Variants in TRIM33 observed in about 807,000 individuals in gnomAD.
TRIM33 encodes tripartite motif containing 33, also known as E3 ubiquitin-protein ligase TRIM33.
In TRIM33, 20 loss-of-function variants were observed where a neutral mutation model predicts 125.4. The observed-to-expected ratio is 0.16, with a 90% CI of 0.11 to 0.23. The LOEUF is 0.23. Among genes scored for constraint, TRIM33 ranks in the 10% least tolerant of loss-of-function variants. TRIM33 has a pLI of 1.00. For missense variants in TRIM33, 920 were observed against 1,411.4 expected (o/e 0.65, Z 5.58); for synonymous variants, 564 against 513.9 (o/e 1.10, Z -1.32).
At position 114,401,724 on chromosome 1, in the gene TRIM33, C is replaced by T. The variant is rs1651905501; in HGVS notation, c.2893-261G>A. ...TTATGGAAGGGAGTCACAAAAGCAA[C>T]ATCTAACACTTTGTGCAAAAATTTA... On this transcript the variant is annotated intron_variant, in intron 16 of 19. Transcript: ENST00000358465. Among the ~76,000 whole-genome samples, 2 of 152,154 alleles carry T rather than the reference C, an allele frequency of 1.3e-5. 1 individual carries two copies. Among genetic ancestry groups the T allele is most frequent in the South Asian group, 4.1e-4 (2 of 4,834 alleles).
intron 1 of TRIM33, among the ~76,000 whole-genome samples, chr1:114,498,848 AGTTCTCTTACTAT>A (rs1652536337): frequency 6.6e-6 from 1 of 152,300 alleles, no homozygotes; most frequent in South Asian, 2.1e-4. Context: ...AAAAATGTAA[AGTTCTCTTACTAT>A]AAATGAAGAT....
At chr1:114,475,635 T>C (rs921145455) in intron 1 of TRIM33, among the ~76,000 whole-genome samples, 3 of 152,216 alleles carry the variant, frequency 2.0e-5, no homozygotes, top group Admixed American at 1.3e-4. Flanking sequence ...TGAGCCGAGA[T>C]GGCGCCACTG....
chr1:114,399,243 GATA>G (rs1651731316), intron 18 of TRIM33, among the ~76,000 whole-genome samples: 1 of 151,800 alleles, frequency 6.6e-6, no homozygotes, highest in African/African-American at 2.4e-5. Context: ...AAGGATATTT[GATA>G]ATATTCTTAA....
intron 4 of TRIM33, among the ~76,000 whole-genome samples, chr1:114,449,971 T>C (rs1649214988): frequency 6.6e-6 from 1 of 152,244 alleles, no homozygotes; most frequent in Admixed American, 6.5e-5. Flanking sequence ...TACTAACTTA[T>C]TTTGGTGAAT....
At chr1:114,408,865 A>G (rs1466665550) in intron 12 of TRIM33, 125 bp from the exon 13 acceptor site, 1 of 646,474 alleles carries the variant, frequency 1.5e-6, no homozygotes, top group African/African-American at 1.9e-5. Flanking sequence ...AGACCTAGTC[A>G]CAAAGTCAGG....
intron 5 of TRIM33, among the ~76,000 whole-genome samples, chr1:114,431,805 A>C (rs1647965776): frequency 6.6e-6 from 1 of 152,072 alleles, no homozygotes; most frequent in African/African-American, 2.4e-5. Context: ...GAAAATTTTG[A>C]GTTTTGTCCT....
At chr1:114,400,884 A>G (rs1651829532) in intron 17 of TRIM33, among the ~76,000 whole-genome samples, 1 of 152,224 alleles carries the variant, frequency 6.6e-6, no homozygotes, top group Non-Finnish European at 1.5e-5. Context: ...GACTATGCTA[A>G]ATATTTTACA....
At chr1:114,408,774 CATATAAG>C in intron 12 of TRIM33, 34 bp from the exon 13 acceptor site, 17 of 1,365,562 alleles carry the variant, frequency 1.2e-5, no homozygotes, top group Non-Finnish European at 1.7e-5. Flanking sequence ...AATATCAATG[CATATAAG>C]AATATTTGGA....
chr1:114,456,013 C>T (rs1360776197), intron 4 of TRIM33, among the ~76,000 whole-genome samples: 1 of 152,122 alleles, frequency 6.6e-6, no homozygotes, highest in Non-Finnish European at 1.5e-5. Context: ...TGTTGAAGTC[C>T]TAACAGGTGT....
In TRIM33 at chr1:114,399,620, C is replaced by A; in HGVS notation, c.2968-11G>T. The stretch of plus-strand genomic sequence containing the variant: ...ATAGTAGTTTGGTATCTAAAATAAG[C>A]ACATAATGGCAAATAAGAATTCTCC... On this transcript the variant is annotated splice_polypyrimidine_tract_variant and intron_variant, in intron 17 of 19. Coordinates refer to ENST00000358465, the MANE Select transcript of TRIM33 (RefSeq NM_015906.4). 6.4e-7 allele frequency: 1 copy of A among 1,562,756 alleles called. No individual in the cohort carries two copies. Among genetic ancestry groups the A allele is most frequent in the Non-Finnish European group, 8.7e-7 (1 of 1,150,052 alleles).
chr1:114,414,873 A>G (rs1425390792), intron 11 of TRIM33, among the ~76,000 whole-genome samples: 2 of 152,102 alleles, frequency 1.3e-5, no homozygotes, highest in African/African-American at 2.4e-5. Flanking sequence ...TTTAATAATG[A>G]GGGCTGGTGA....
intron 1 of TRIM33, among the ~76,000 whole-genome samples, chr1:114,470,162 A>T (rs1401933594): frequency 6.6e-6 from 1 of 152,198 alleles, no homozygotes; most frequent in Non-Finnish European, 1.5e-5. Context: ...TATATTCTTG[A>T]AGTTATACAG....
intron 10 of TRIM33, among the ~76,000 whole-genome samples, chr1:114,423,589 G>A (rs1647342643): frequency 1.3e-5 from 2 of 150,784 alleles, no homozygotes; most frequent in Non-Finnish European, 3.0e-5. Flanking sequence ...AAATAGAAAC[G>A]GGGTCTTGCT....
At chr1:114,444,609 G>C (rs1427284318) in intron 4 of TRIM33, among the ~76,000 whole-genome samples, 1 of 152,178 alleles carries the variant, frequency 6.6e-6, no homozygotes. Context: ...ACTTAGAAAG[G>C]CTTGGGAAAT....
chr1:114,458,026 C>G (rs1201283109), intron 4 of TRIM33, among the ~76,000 whole-genome samples: 1 of 152,228 alleles, frequency 6.6e-6, no homozygotes, highest in Non-Finnish European at 1.5e-5. Flanking sequence ...CTGACTCCAC[C>G]TTGCTTCTAA....
intron 8 of TRIM33, 56 bp from the exon 9 acceptor site, chr1:114,425,779 T>C (rs1417572840): frequency 2.4e-5 from 31 of 1,300,674 alleles, no homozygotes; most frequent in East Asian, 1.2e-4. Context: ...ATCTACTTTG[T>C]TGAGTAATCA....
intron 1 of TRIM33, among the ~76,000 whole-genome samples, chr1:114,504,938 C>T (rs892168963): frequency 1.3e-5 from 2 of 152,138 alleles, no homozygotes; most frequent in African/African-American, 4.8e-5. Flanking sequence ...CTGTGAGATA[C>T]AGTCACAAAG....
At position 114,397,739 on chromosome 1, in the gene TRIM33, T is replaced by A. The variant is rs1369856851; in HGVS notation, c.3293A>T (p.Asp1098Val). The part of the protein sequence containing the change: ...PLPEFEQEED[D>V]GEVTEDSDED... ...ATCAGAGTCCTCAGTTACCTCACCA[T>A]CATCCTCTTCCTGCTCAAACTCTGG... The change falls in exon 20 of 20, where the codon GAT (aspartate) becomes GTT (valine). Residue 1098 changes from aspartate (D) to valine (V), a missense_variant. By Grantham distance (152) the Asp-to-Val change is radical. Transcript: ENST00000358465. The A allele has an allele frequency of 1.2e-6, 2 of 1,613,712 alleles. No homozygotes were observed. The highest frequency in any genetic ancestry group is 1.7e-6 in the Non-Finnish European group (2 of 1,179,920).
chr1:114,405,650 G>T lies in TRIM33; in HGVS notation c.2528C>A (p.Ala843Glu). 6.2e-7 allele frequency: 1 copy of T among 1,614,176 alleles called. No homozygotes were observed. The highest frequency in any genetic ancestry group is 8.5e-7 in the Non-Finnish European group (1 of 1,180,024). The change falls in exon 15 of 20, where the codon GCA (alanine) becomes GAA (glutamate). Residue 843 changes from alanine to glutamate, a missense_variant. Physicochemically the swap from Ala to Glu is moderately radical, Grantham distance 107 (BLOSUM62 -1). Coordinates refer to ENST00000358465, the MANE Select transcript of TRIM33 (RefSeq NM_015906.4). ...CTGTTTGCAGCTTTCATTCATATCT[G>T]CAGGTTCAATTTTCACATGGTTTTC... The part of the protein sequence containing the change: ...SLENHVKIEP[A>E]DMNESCKQSG...
Sources: allele counts gnomAD v4.1 joint callset (sites outside exome capture counted in the v4.1 genomes callset), GRCh38; gene constraint gnomAD v4.1.1; transcripts MANE v1.5; gene names NCBI Gene and HGNC (gene_info 2026-07-23, HGNC 2026-07-21).